PTP4A3: variants seen among roughly 807,000 people sequenced by gnomAD.
PTP4A3 encodes protein tyrosine phosphatase 4A3, also known as protein tyrosine phosphatase type IVA 3.
PTP4A3 carries 9 observed loss-of-function variants against 15.2 expected under a neutral mutation model. The ratio of observed to expected loss-of-function variants is 0.59; its 90% CI spans 0.36 to 1.03. The LOEUF is 1.03. PTP4A3 is among the 50% of genes least tolerant of loss of function. The pLI, the probability that PTP4A3 is intolerant of heterozygous loss-of-function variation, is 0.02. For missense variants in PTP4A3, 234 were observed against 252.1 expected, an observed-to-expected ratio of 0.93 and a Z score of 0.49; for synonymous variants, 95 against 102.0, an observed-to-expected ratio of 0.93 and a Z score of 0.41.
intron 1 of PTP4A3, among the ~76,000 whole-genome samples, chr8:141,413,864 A>T (rs1832937426): frequency 6.6e-6 from 1 of 152,170 alleles, no homozygotes; most frequent in African/African-American, 2.4e-5. Flanking sequence ...AAGATGAAAG[A>T]TGCGGTATGG....
In PTP4A3 at chr8:141,425,272, G is replaced by A. The variant is rs891049937; in HGVS notation, c.198+132G>A. 47 of 896,712 alleles carry A rather than the reference G, an allele frequency of 5.2e-5. No homozygotes were observed. Among genetic ancestry groups the A allele is most frequent in the Admixed American group, 2.8e-4 (13 of 46,758 alleles). 55.5% of individuals were successfully genotyped at this position (896,712 alleles called of 1,614,324 possible). On this transcript the variant is annotated intron_variant, in intron 3 of 5. Transcript: ENST00000521578. The surrounding 1 kb of genome is among the most constrained non-coding windows in gnomAD (Gnocchi z 4.2). Reference sequence around the variant, plus strand: ...CTGGGCATGTCTGTGCCTGGGCCACGTGTGTGTCTGGGTACATCAAGGGAA... The same window carrying A: ...CTGGGCATGTCTGTGCCTGGGCCACATGTGTGTCTGGGTACATCAAGGGAA...
chr8:141,427,065 G>A lies in PTP4A3; in HGVS notation c.325G>A (p.Gly109Ser). 6.3e-7 allele frequency: 1 copy of A among 1,598,456 alleles called. No homozygotes were observed. Among genetic ancestry groups the A allele is most frequent in the Admixed American group, 1.7e-5 (1 of 59,930 alleles). Reference protein sequence around the residue: ...CVAVHCVAGLGRAPVLVALAL... With the variant: ...CVAVHCVAGLSRAPVLVALAL... ...GGCTGTGCACTGCGTGGCGGGCCTG[G>A]GCCGGTGAGTGTCGGGGCGGGGTAG... Residue 109 changes from glycine (G) to serine (S), a missense_variant, in exon 4 of 6, where the codon GGC becomes AGC. Gly to Ser is a moderately conservative substitution (Grantham distance 56, BLOSUM62 0). Transcript: ENST00000521578.
chr8:141,415,459 C>G (rs1413381614), intron 1 of PTP4A3, among the ~76,000 whole-genome samples: 2 of 150,612 alleles, frequency 1.3e-5, no homozygotes, highest in Non-Finnish European at 3.0e-5. Flanking sequence ...CCCTCCTGCC[C>G]TCTGGCCGGG....
At chr8:141,420,807 G>C (rs1432542226) in intron 1 of PTP4A3, among the ~76,000 whole-genome samples, 1 of 152,222 alleles carries the variant, frequency 6.6e-6, no homozygotes, top group East Asian at 1.9e-4. Context: ...AGGCGATTAG[G>C]GTGGCCCACG....
In PTP4A3 at chr8:141,431,505, T is replaced by TC; in HGVS notation, c.*461_*462insC. The TC allele has an allele frequency of 6.4e-6, 1 of 156,962 alleles. No individual in the cohort carries two copies. Among genetic ancestry groups the TC allele is most frequent in the Non-Finnish European group, 1.4e-5 (1 of 71,412 alleles). The allele number at this position is 156,962 out of a possible 1,614,324, so 9.7% of individuals were successfully genotyped here. ...AGGTGCTCCGGACACCCGAAGGCAA[T>TC]AAAACAGGAGCCGTGGCCGTGTGTG... On this transcript the variant is annotated 3_prime_UTR_variant, in exon 6 of 6. Transcript: ENST00000521578.
Position 141,430,951 on chromosome 8 carries a change from C to G in PTP4A3, c.429C>G (p.Ser143Arg). 6.2e-7 allele frequency: 1 copy of G among 1,613,306 alleles called. No homozygotes were observed. The highest frequency in any genetic ancestry group is 1.3e-5 in the African/African-American group (1 of 75,054). Residue 143 changes from serine to arginine, a missense_variant, in exon 6 of 6, where the codon AGC becomes AGG. Physicochemically the swap from Ser to Arg is moderately radical, Grantham distance 110. Coordinates refer to ENST00000521578, the MANE Select transcript of PTP4A3 (RefSeq NM_032611.3). ...IRQKRRGAIN[S>R]KQLTYLEKYR... ...GGAAGCGCCGCGGAGCCATCAACAG[C>G]AAGCAGCTCACCTACCTGGAGAAAT...
chr8:141,417,774 C>T (rs1833118524), intron 1 of PTP4A3, among the ~76,000 whole-genome samples: 1 of 151,978 alleles, frequency 6.6e-6, no homozygotes, highest in Admixed American at 6.5e-5. Flanking sequence ...CCTGCGCGGC[C>T]CCTTTGTTTC....
rs562049237 is a variant in PTP4A3, at chr8:141,404,179, C to T, written c.-854+12095C>T. Among the ~76,000 whole-genome samples the T allele has an allele frequency of 2.4e-3, 364 of 152,388 alleles. 10 individuals carry two copies. Among genetic ancestry groups the T allele is most frequent in the East Asian group, 1.5e-3 (8 of 5,188 alleles). On this transcript the variant is annotated intron_variant, in intron 1 of 5. Transcript: ENST00000521578. ...ACCTGGGGAGCTCGTGCACATGCCA[C>T]GCAATGGCCCTGAAAGGGAAGCGAT...
At chr8:141,416,230 G>A (rs778818247) in intron 1 of PTP4A3, among the ~76,000 whole-genome samples, 1 of 151,940 alleles carries the variant, frequency 6.6e-6, no homozygotes, top group Non-Finnish European at 1.5e-5. Context: ...TGGGGGGCAG[G>A]AGCAGCTTAC....
intron 1 of PTP4A3, among the ~76,000 whole-genome samples, chr8:141,408,244 G>GC (rs1338258719): frequency 1.3e-5 from 2 of 152,178 alleles, no homozygotes; most frequent in East Asian, 3.8e-4. Flanking sequence ...GTGGGAGGGG[G>GC]CGATGGAAGT....
At chr8:141,401,576 C>T (rs1446221336) in intron 1 of PTP4A3, among the ~76,000 whole-genome samples, 3 of 152,184 alleles carry the variant, frequency 2.0e-5, no homozygotes, top group East Asian at 1.9e-4. Context: ...CTCCCTGGGC[C>T]GGGCTGTTCC....
At chr8:141,413,657 G>A (rs565753258) in intron 1 of PTP4A3, among the ~76,000 whole-genome samples, 129 of 152,366 alleles carry the variant, frequency 8.5e-4, no homozygotes, top group Non-Finnish European at 4.1e-4. Context: ...CCACGTGTGC[G>A]CATGTGAGTG....
At position 141,406,011 on chromosome 8, in the gene PTP4A3, C is replaced by A. The variant is rs1832712042; in HGVS notation, c.-854+13927C>A. Among the ~76,000 whole-genome samples, 1 of 151,802 alleles carries A rather than the reference C, an allele frequency of 6.6e-6. No individual in the cohort carries two copies. Among genetic ancestry groups the A allele is most frequent in the Non-Finnish European group, 1.5e-5 (1 of 67,942 alleles). On this transcript the variant is annotated intron_variant, in intron 1 of 5. Transcript: ENST00000521578. The surrounding 1 kb of genome is among the most constrained non-coding windows in gnomAD (Gnocchi z 4.5). ...AGGGCAGGGAGCAGCTCGCGTGGGG[C>A]CTTTAGGGCGATAAGGATTTTTGGC...
chr8:141,422,196 T>G lies in PTP4A3; in HGVS notation c.-45T>G. 6.2e-7 allele frequency: 1 copy of G among 1,600,118 alleles called. No homozygotes were observed. The highest frequency in any genetic ancestry group is 8.6e-7 in the Non-Finnish European group (1 of 1,168,910). On this transcript the variant is annotated 5_prime_UTR_variant, in exon 2 of 6. Transcript: ENST00000521578. ...GACTTCTCAGGTCGTGTCCCCAGCC[T>G]TCTCTGCAGTCCCTTCTGCCCTGCC... is the stretch of plus-strand genomic sequence containing the variant.
intron 1 of PTP4A3, among the ~76,000 whole-genome samples, chr8:141,396,912 C>T (rs536813170): frequency 6.6e-6 from 1 of 152,290 alleles, no homozygotes; most frequent in South Asian, 2.1e-4. Flanking sequence ...GGGAAGGAAA[C>T]AGCCTGGGCT....
chr8:141,425,215 G>A lies in PTP4A3; in HGVS notation c.198+75G>A, dbSNP rs1467323018. On this transcript the variant is annotated intron_variant, in intron 3 of 5. Transcript: ENST00000521578. This position sits in a 1 kb window ranked among gnomAD's most constrained non-coding sequence, Gnocchi z 4.2. ...GTGGGGCGGGGGGCTCCGGGCCTGC[G>A]CAGAGGGTTTGGTGCCCCTCCTGTG... 1.0e-5 allele frequency: 14 copies of A among 1,405,646 alleles called. No individual in the cohort carries two copies. Among genetic ancestry groups the A allele is most frequent in the African/African-American group, 2.8e-5 (2 of 70,214 alleles). 87.1% of individuals were successfully genotyped at this position (1,405,646 alleles called of 1,614,324 possible).
intron 1 of PTP4A3, among the ~76,000 whole-genome samples, chr8:141,397,181 G>A (rs1033408431): frequency 6.6e-6 from 1 of 152,250 alleles, no homozygotes; most frequent in African/African-American, 2.4e-5. Context: ...GCCGGGGCTC[G>A]GGGAAGGTGG....
intron 2 of PTP4A3, 75 bp from the exon 3 acceptor site, chr8:141,424,973 C>T: frequency 7.9e-7 from 1 of 1,265,964 alleles, no homozygotes; most frequent in Non-Finnish European, 1.1e-6. Context: ...CCCTGGGAGC[C>T]CTGGTGAGTG....
At chr8:141,402,638 T>C (rs543319199) in intron 1 of PTP4A3, among the ~76,000 whole-genome samples, 16 of 152,046 alleles carry the variant, frequency 1.1e-4, no homozygotes, top group Non-Finnish European at 2.4e-4. Context: ...CCCGCCCACA[T>C]GGGGAGGCTG....
Sources: gnomAD v4.1 joint callset for allele counts (sites outside exome capture counted in the v4.1 genomes callset) on GRCh38, gnomAD v4.1.1 for gene constraint, Gnocchi (gnomAD v3.1) non-coding constraint, MANE v1.5 for transcripts, NCBI Gene and HGNC (gene_info 2026-07-23, HGNC 2026-07-21) for gene names.